Variants in NUB1 observed in about 807,000 individuals in gnomAD.
NUB1 encodes negative regulator of ubiquitin like proteins 1.
In NUB1, 41 loss-of-function variants were observed where a neutral mutation model predicts 77.1. The ratio of observed to expected loss-of-function variants is 0.53; its 90% CI spans 0.41 to 0.69. The LOEUF (loss-of-function observed/expected upper bound fraction) is 0.69. Ranked by LOEUF, NUB1 falls within the 30% of genes least tolerant of loss-of-function variation. NUB1 has a pLI of 0.00. For missense variants in NUB1, 643 were observed against 743.8 expected (o/e 0.86, Z 1.58); for synonymous variants, 257 against 281.0 (o/e 0.91, Z 0.85).
intron 7 of NUB1, among the ~76,000 whole-genome samples, chr7:151,359,746 C>T (rs1037696050): frequency 5.3e-5 from 8 of 152,156 alleles, no homozygotes; most frequent in African/African-American, 1.9e-4. Context: ...CACTGCCCTC[C>T]AGCCTGGACG....
In NUB1 at chr7:151,360,492, T is replaced by C. The variant is rs141115307; in HGVS notation, c.800+245T>C. ...CCTCTCTTCTTCTGTACATGTGCTA[T>C]GTTGCTAGTCGGAACTTTCCATTAT... On this transcript the variant is annotated intron_variant, in intron 8 of 14. Coordinates refer to ENST00000568733, the MANE Select transcript of NUB1 (RefSeq NM_001243351.2). The C allele has an allele frequency of 2.0e-3, 770 of 393,216 alleles. 8 individuals are homozygous for C. The highest frequency in any genetic ancestry group is 0.014 in the African/African-American group (707 of 49,998). The allele number at this position is 393,216 out of a possible 1,614,324, so 24.4% of individuals were successfully genotyped here. A position where few individuals can be genotyped will look rare whatever the true frequency, so the allele number is the denominator to read the frequency against.
intron 10 of NUB1, among the ~76,000 whole-genome samples, chr7:151,368,208 C>A (rs916407773): frequency 1.3e-5 from 2 of 152,122 alleles, no homozygotes; most frequent in Non-Finnish European, 2.9e-5. Context: ...CTCATCTTGC[C>A]GTCTAGAGGT....
In NUB1 at chr7:151,367,958, AT is replaced by A; in HGVS notation, c.1086del (p.Asn364ThrfsTer34). On this transcript the variant is annotated frameshift_variant, in exon 10 of 15. Coordinates refer to ENST00000568733, the MANE Select transcript of NUB1 (RefSeq NM_001243351.2). LOFTEE classifies it high-confidence loss of function. ...GGAAATGATGTAGAGGCTTATGAGT[AT>A]CTTAACAAGGTAAGAAAAGTAAAGT... ...HSGNDVEAYE[Y>X]LNKARQLFKE... is the part of the protein sequence containing the mutation. 6.4e-7 allele frequency: 1 copy of A among 1,568,210 alleles called. No individual in the cohort carries two copies. The highest frequency in any genetic ancestry group is 8.7e-7 in the Non-Finnish European group (1 of 1,152,756).
At chr7:151,376,942 AC>A in intron 14 of NUB1, 104 bp from the exon 15 acceptor site, 1 of 1,399,854 alleles carries the variant, frequency 7.1e-7, no homozygotes, top group Non-Finnish European at 9.6e-7. Context: ...GGCCACCTGG[AC>A]AGTGTGGCCA....
intron 7 of NUB1, among the ~76,000 whole-genome samples, chr7:151,359,731 C>T (rs1032072392): frequency 3.3e-5 from 5 of 152,104 alleles, no homozygotes; most frequent in Admixed American, 6.5e-5. Context: ...GACCCGAGAT[C>T]GCACCACTGC....
intron 2 of NUB1, among the ~76,000 whole-genome samples, chr7:151,348,244 T>C (rs1271693261): frequency 3.3e-5 from 5 of 152,134 alleles, no homozygotes; most frequent in Non-Finnish European, 1.5e-5. Flanking sequence ...TCAATCTTCT[T>C]TTTTTTCTCA....
intron 1 of NUB1, among the ~76,000 whole-genome samples, chr7:151,344,457 C>T (rs1796382026): frequency 6.7e-6 from 1 of 150,370 alleles, no homozygotes; most frequent in African/African-American, 2.4e-5. Flanking sequence ...ATTACAGGTA[C>T]CTGCCACCAC....
intron 7 of NUB1, among the ~76,000 whole-genome samples, chr7:151,356,664 A>G (rs1797077439): frequency 6.6e-6 from 1 of 152,134 alleles, no homozygotes; most frequent in African/African-American, 2.4e-5. Flanking sequence ...CCTGTTCTAT[A>G]ATTTGGGATA....
chr7:151,377,588 C>T lies in NUB1; in HGVS notation c.*363C>T. On this transcript the variant is annotated 3_prime_UTR_variant, in exon 15 of 15. Coordinates refer to ENST00000568733, the MANE Select transcript of NUB1 (RefSeq NM_001243351.2). ...AAGGGTGTCCCGACCGCTTCCTCTC[C>T]AGCTGTGGCTCCATCTGCCCAGCTT... is the stretch of plus-strand genomic sequence containing the variant. The T allele has an allele frequency of 6.3e-6, 1 of 157,824 alleles. No individual in the cohort carries two copies. The allele number at this position is 157,824 out of a possible 1,614,324, so 9.8% of individuals were successfully genotyped here.
intron 8 of NUB1, among the ~76,000 whole-genome samples, chr7:151,363,050 C>T (rs1474493393): frequency 6.6e-6 from 1 of 152,172 alleles, no homozygotes; most frequent in Non-Finnish European, 1.5e-5. Context: ...AAGTGCATCC[C>T]TAACAAAACT....
Position 151,377,276 on chromosome 7 carries a change from G to A in NUB1, c.*51G>A, listed in dbSNP as rs1798346544. The A allele has an allele frequency of 1.6e-6, 2 of 1,236,176 alleles. No homozygotes were observed. Among genetic ancestry groups the A allele is most frequent in the African/African-American group, 1.5e-5 (1 of 65,962 alleles). 76.6% of individuals were successfully genotyped at this position (1,236,176 alleles called of 1,614,324 possible). The stretch of plus-strand genomic sequence containing the variant: ...TTCTGCTTATAAATGCTATCATTAT[G>A]AAAAGGCTAATGCAGCTCTTTCTGT... On this transcript the variant is annotated 3_prime_UTR_variant, in exon 15 of 15. Coordinates refer to ENST00000568733, the MANE Select transcript of NUB1 (RefSeq NM_001243351.2).
At position 151,366,937 on chromosome 7, in the gene NUB1, A is replaced by G; in HGVS notation, c.801-2A>G. On this transcript the variant is annotated splice_acceptor_variant, in intron 8 of 14. Coordinates refer to ENST00000568733, the MANE Select transcript of NUB1 (RefSeq NM_001243351.2). LOFTEE classifies it high-confidence loss of function. ...GTGATGTCACTGTCCTTCTCTTTCCAGTGAGTGTTGCAGAGAGCTGCTGGA... is the reference window on the plus strand; with the variant it reads ...GTGATGTCACTGTCCTTCTCTTTCCGGTGAGTGTTGCAGAGAGCTGCTGGA... 6.3e-7 allele frequency: 1 copy of G among 1,585,642 alleles called. No homozygotes were observed. Among genetic ancestry groups the G allele is most frequent in the Non-Finnish European group, 8.6e-7 (1 of 1,165,770 alleles).
intron 7 of NUB1, among the ~76,000 whole-genome samples, chr7:151,359,282 C>CAAA (rs59555540): frequency 7.6e-6 from 1 of 132,040 alleles, no homozygotes; most frequent in African/African-American, 2.7e-5. Flanking sequence ...ACTAAAAATA[C>CAAA]AAAAAAAAAA....
intron 11 of NUB1, among the ~76,000 whole-genome samples, chr7:151,371,227 C>G (rs1016491627): frequency 6.6e-6 from 1 of 152,188 alleles, no homozygotes; most frequent in Non-Finnish European, 1.5e-5. Flanking sequence ...GCCTAAACAT[C>G]AAAACAAGGG....
At chr7:151,371,939 T>G (rs567373393) in intron 11 of NUB1, among the ~76,000 whole-genome samples, 1 of 152,230 alleles carries the variant, frequency 6.6e-6, no homozygotes, top group South Asian at 2.1e-4. Context: ...AACTCCTGGG[T>G]TCAAGCAGTC....
intron 7 of NUB1, among the ~76,000 whole-genome samples, chr7:151,356,445 T>C (rs1225934335): frequency 6.6e-6 from 1 of 152,244 alleles, no homozygotes; most frequent in Admixed American, 6.5e-5. Flanking sequence ...CTCACTGTCC[T>C]GGAGCAGTGA....
intron 4 of NUB1, chr7:151,352,157 G>T (rs1350627033): frequency 6.6e-6 from 3 of 456,670 alleles, no homozygotes; most frequent in South Asian, 4.6e-5. Flanking sequence ...CTGTGGATCA[G>T]CCCCCGCTAT....
At chr7:151,359,282 CAAAA>C (rs59555540) in intron 7 of NUB1, among the ~76,000 whole-genome samples, 1 of 132,122 alleles carries the variant, frequency 7.6e-6, no homozygotes, top group South Asian at 2.4e-4. Context: ...ACTAAAAATA[CAAAA>C]AAAAAAATTA....
chr7:151,359,379 C>T (rs1797253331), intron 7 of NUB1, among the ~76,000 whole-genome samples: 1 of 146,300 alleles, frequency 6.8e-6, no homozygotes, highest in South Asian at 2.2e-4. Context: ...GGAGGTGGAG[C>T]TTGCAGTGAG....
Sources: allele counts gnomAD v4.1 joint callset (sites outside exome capture counted in the v4.1 genomes callset), GRCh38; gene constraint gnomAD v4.1.1; transcripts MANE v1.5; gene names NCBI Gene and HGNC (gene_info 2026-07-23, HGNC 2026-07-21).